LUZP2: variants seen among roughly 807,000 people sequenced by gnomAD.
LUZP2 encodes the protein leucine zipper protein 2.
A neutral mutation model predicts 51.6 loss-of-function variants in LUZP2; 52 were observed. The ratio of observed to expected loss-of-function variants is 1.01; its 90% CI spans 0.81 to 1.27. The LOEUF (loss-of-function observed/expected upper bound fraction) is 1.27. LUZP2 is among the 50% of genes most tolerant of loss of function. The pLI, the probability that LUZP2 is intolerant of heterozygous loss-of-function variation, is 0.00. For synonymous variants in LUZP2, 154 were observed against 137.3 expected, an observed-to-expected ratio of 1.12 and a Z score of -0.85; for missense variants, 436 against 395.4, an observed-to-expected ratio of 1.10 and a Z score of -0.87.
At chr11:24,587,717 T>C (rs557210943) in intron 1 of LUZP2, among the ~76,000 whole-genome samples, 19 of 152,192 alleles carry the variant, frequency 1.2e-4, no homozygotes, top group African/African-American at 4.3e-4. Context: ...GGGATTAATA[T>C]TGGAGACATA....
At chr11:24,583,096 T>C (rs1197961820) in intron 1 of LUZP2, among the ~76,000 whole-genome samples, 1 of 152,174 alleles carries the variant, frequency 6.6e-6, no homozygotes, top group African/African-American at 2.4e-5. Flanking sequence ...GTTTTAGTAA[T>C]GAATTATGTA....
At chr11:24,843,731 G>T (rs890009235) in intron 5 of LUZP2, among the ~76,000 whole-genome samples, 1 of 152,116 alleles carries the variant, frequency 6.6e-6, no homozygotes, top group Non-Finnish European at 1.5e-5. Flanking sequence ...CATGGGAGGT[G>T]CCTGGTGAGA....
chr11:24,903,472 C>T (rs1055431999), intron 5 of LUZP2, among the ~76,000 whole-genome samples: 1 of 152,082 alleles, frequency 6.6e-6, no homozygotes, highest in East Asian at 1.9e-4. Flanking sequence ...AATAAAAAAC[C>T]CTGTTCAAAA....
chr11:24,873,935 A>G (rs1011736307), intron 5 of LUZP2, among the ~76,000 whole-genome samples: 3 of 152,082 alleles, frequency 2.0e-5, no homozygotes, highest in African/African-American at 7.2e-5. Flanking sequence ...GATTCTGTAG[A>G]TCTTCCTCTT....
intron 4 of LUZP2, among the ~76,000 whole-genome samples, chr11:24,757,008 G>A (rs934790557): frequency 2.0e-5 from 3 of 152,124 alleles, no homozygotes; most frequent in Non-Finnish European, 2.9e-5. Context: ...AAAAGTATAC[G>A]AAGAGATAGA....
At chr11:24,680,975 T>G (rs1426478956) in intron 1 of LUZP2, among the ~76,000 whole-genome samples, 4 of 16,062 alleles carry the variant, frequency 2.5e-4, no homozygotes, top group Non-Finnish European at 4.7e-4. Context: ...CTTTCTTTAT[T>G]TTTTTTTTTT....
intron 7 of LUZP2, among the ~76,000 whole-genome samples, chr11:24,966,961 G>C (rs1168441650): frequency 6.7e-6 from 1 of 149,638 alleles, no homozygotes; most frequent in Non-Finnish European, 1.5e-5. Context: ...ATTAAACTTA[G>C]TATTTTTAAT....
At chr11:24,946,696 C>G (rs1209906413) in intron 7 of LUZP2, among the ~76,000 whole-genome samples, 1 of 151,772 alleles carries the variant, frequency 6.6e-6, no homozygotes, top group African/African-American at 2.4e-5. Context: ...TCTAATGAAG[C>G]TGAGAGAATG....
rs1008474405 is a variant in LUZP2 at position 24,939,121 on chromosome 11, A to G, written c.522+24583A>G. ...TGTAGACACTGGTGTGGTAGGAAGAACCAGCATTTGGAAATCAAATTATCT... is the reference window on the plus strand; with the variant it reads ...TGTAGACACTGGTGTGGTAGGAAGAGCCAGCATTTGGAAATCAAATTATCT... On this transcript the variant is annotated intron_variant, in intron 7 of 11. Coordinates refer to ENST00000336930, the MANE Select transcript of LUZP2 (RefSeq NM_001009909.4). Among the ~76,000 whole-genome samples, 11 of 152,058 alleles carry G rather than the reference A, an allele frequency of 7.2e-5. 1 individual carries two copies. Among genetic ancestry groups the G allele is most frequent in the South Asian group, 4.2e-4 (2 of 4,802 alleles).
chr11:24,641,474 T>C (rs1855280504), intron 1 of LUZP2, among the ~76,000 whole-genome samples: 1 of 151,698 alleles, frequency 6.6e-6, no homozygotes, highest in African/African-American at 2.4e-5. Context: ...AGACAAGAAA[T>C]GTAGTATCTG....
At chr11:24,973,552 T>C (rs1855807698) in intron 7 of LUZP2, among the ~76,000 whole-genome samples, 1 of 152,016 alleles carries the variant, frequency 6.6e-6, no homozygotes, top group Non-Finnish European at 1.5e-5. Flanking sequence ...TCTGAGATTC[T>C]TCTACTTTTT....
chr11:24,650,741 C>T (rs137918884), intron 1 of LUZP2, among the ~76,000 whole-genome samples: 84 of 152,088 alleles, frequency 5.5e-4, no homozygotes, highest in African/African-American at 1.9e-3. Flanking sequence ...AGTAAAATAA[C>T]CTGATATTTT....
chr11:24,646,986 T>G (rs1855481658), intron 1 of LUZP2, among the ~76,000 whole-genome samples: 2 of 152,056 alleles, frequency 1.3e-5, no homozygotes, highest in Non-Finnish European at 2.9e-5. Flanking sequence ...TTGGAGACCT[T>G]GAATTTTAAA....
chr11:24,919,877 T>C (rs1853975538), intron 7 of LUZP2, among the ~76,000 whole-genome samples: 1 of 151,446 alleles, frequency 6.6e-6, no homozygotes, highest in Non-Finnish European at 1.5e-5. Flanking sequence ...AAGAGAAATG[T>C]TGAATTTAAG....
chr11:24,765,391 A>G (rs1174968641), intron 5 of LUZP2, among the ~76,000 whole-genome samples: 1 of 152,128 alleles, frequency 6.6e-6, no homozygotes, highest in Admixed American at 6.5e-5. Context: ...CTTTTGAGTG[A>G]GGGAATTAGG....
chr11:24,546,611 C>T (rs1344154462), intron 1 of LUZP2, among the ~76,000 whole-genome samples: 1 of 151,976 alleles, frequency 6.6e-6, no homozygotes, highest in African/African-American at 2.4e-5. Flanking sequence ...CTTTGCATCC[C>T]AGGGATAAAG....
Position 24,972,418 on chromosome 11 carries a change from A to C in LUZP2, c.523-4173A>C, listed in dbSNP as rs180847418. 1.8e-3 allele frequency among the ~76,000 whole-genome samples: 267 copies of C among 152,236 alleles called. 1 individual carries two copies. The highest frequency in any genetic ancestry group is 6.2e-3 in the African/African-American group (256 of 41,576). On this transcript the variant is annotated intron_variant, in intron 7 of 11. Transcript: ENST00000336930. The stretch of plus-strand genomic sequence containing the variant: ...GCCTATAAGTTAAGTACTATTATTC[A>C]TCTTTAAAGAAGAGGAAACTGAAGC...
At chr11:24,785,868 T>C (rs1350277234) in intron 5 of LUZP2, 1 of 985,200 alleles carries the variant, frequency 1.0e-6, no homozygotes, top group Non-Finnish European at 1.2e-6. Context: ...ATTGCTCTGT[T>C]TCTCCCTAAA....
chr11:24,557,237 T>G (rs1260831340), intron 1 of LUZP2, among the ~76,000 whole-genome samples: 1 of 147,350 alleles, frequency 6.8e-6, no homozygotes, highest in Non-Finnish European at 1.5e-5. Context: ...GCATTATCGT[T>G]GCTAAAAATA....
Sources: gnomAD v4.1 joint callset for allele counts (sites outside exome capture counted in the v4.1 genomes callset) on GRCh38, gnomAD v4.1.1 for gene constraint, MANE v1.5 for transcripts, NCBI Gene and HGNC (gene_info 2026-07-23, HGNC 2026-07-21) for gene names.